The following PRKX variants were observed in gnomAD, a reference collection of about 807,000 sequenced individuals.
PRKX encodes the protein protein kinase cAMP-dependent X-linked catalytic subunit.
A neutral mutation model predicts 22.0 loss-of-function variants in PRKX; 12 were observed. That is an observed-to-expected ratio of 0.54 (90% CI 0.35 to 0.88). The LOEUF is 0.88. Among genes scored for constraint, PRKX ranks in the 40% least tolerant of loss-of-function variants. The probability of loss-of-function intolerance (pLI) is 0.01; values close to 1 mark genes in which losing one functional copy is unlikely to be tolerated. For synonymous variants in PRKX, 134 were observed against 137.7 expected (o/e 0.97, Z 0.19); for missense variants, 217 against 308.0 (o/e 0.70, Z 2.21).
chrX:3,673,977 G>A (rs1569057002), intron 2 of PRKX, among the ~76,000 whole-genome samples: 3 of 111,436 alleles, frequency 2.7e-5, no homozygotes, highest in African/African-American at 6.5e-5. Flanking sequence ...TGAATCCACC[G>A]TGTCTTGATC....
chrX:3,618,010 C>T (rs1032094707), intron 6 of PRKX, among the ~76,000 whole-genome samples: 2 of 100,801 alleles, frequency 2.0e-5, no homozygotes, highest in African/African-American at 7.4e-5. Context: ...GAGGGCATGG[C>T]GCCATCTTGG....
intron 1 of PRKX, among the ~76,000 whole-genome samples, chrX:3,688,757 T>C (rs1275614533): frequency 9.2e-6 from 1 of 108,987 alleles, no homozygotes; most frequent in Non-Finnish European, 1.9e-5. Flanking sequence ...TAGTCCCAGC[T>C]ACTCATGAGG....
rs1409746008 is a variant in PRKX, at chrX:3,604,544, G to A, written c.*4425C>T. On this transcript the variant is annotated 3_prime_UTR_variant, in exon 9 of 9. Coordinates refer to ENST00000262848, the MANE Select transcript of PRKX (RefSeq NM_005044.5). Reference sequence around the variant, plus strand: ...TCCCCTCCCCGACCCCCCATGAGAAGGGGTCACCCCGCGGGGTTCCCAGTT... The same window carrying A: ...TCCCCTCCCCGACCCCCCATGAGAAAGGGTCACCCCGCGGGGTTCCCAGTT... 8.9e-6 allele frequency: 1 copy of A among 112,295 alleles called. No individual in the cohort carries two copies. The highest frequency in any genetic ancestry group is 9.5e-5 in the Admixed American group (1 of 10,580). 9.3% of individuals were successfully genotyped at this position (112,295 alleles called of 1,213,427 possible).
chrX:3,615,844 A>G lies in PRKX; in HGVS notation c.922T>C (p.Trp308Arg), dbSNP rs1926408549. ...AGTTTTCTCTGCGGAACAGCTTCCC[A>G]GTCCACGGAGCGGAACCACCGATGA... is the stretch of plus-strand genomic sequence containing the variant. ...KHHRWFRSVD[W>R]EAVPQRKLKP... The change falls in exon 7 of 9, where the codon TGG (tryptophan) becomes CGG (arginine). Residue 308 changes from tryptophan (W) to arginine (R), a missense_variant. Transcript: ENST00000262848. 1 of 1,205,845 alleles carries G rather than the reference A, an allele frequency of 8.3e-7. No homozygotes were observed. The highest frequency in any genetic ancestry group is 1.7e-5 in the African/African-American group (1 of 57,193).
intron 2 of PRKX, among the ~76,000 whole-genome samples, chrX:3,661,048 C>T (rs1927584152): frequency 9.1e-6 from 1 of 110,196 alleles, no homozygotes; most frequent in African/African-American, 3.3e-5. Flanking sequence ...ATCAACAAAC[C>T]ACAAGGCTTA....
At chrX:3,655,044 T>C in intron 3 of PRKX, 105 bp downstream of exon 3, 1 of 1,078,151 alleles carries the variant, frequency 9.3e-7, no homozygotes, top group African/African-American at 1.8e-5. Context: ...CACATGAGAG[T>C]TAAACTCTGG....
Position 3,621,333 on chromosome X carries a change from G to C in PRKX, c.816-17C>G. The C allele has an allele frequency of 8.9e-7, 1 of 1,129,312 alleles. No homozygotes were observed. Among genetic ancestry groups the C allele is most frequent in the Admixed American group, 2.7e-5 (1 of 37,647 alleles). 93.1% of individuals were successfully genotyped at this position (1,129,312 alleles called of 1,213,427 possible). A position where few individuals can be genotyped will look rare whatever the true frequency, so the allele number is the denominator to read the frequency against. ...ATGAGGTCTCTATGTTGGGGAAGGA[G>C]ACAAAAAAAAAAAAAGTACACAGAT... On this transcript the variant is annotated splice_polypyrimidine_tract_variant and intron_variant, in intron 5 of 8. Coordinates refer to ENST00000262848, the MANE Select transcript of PRKX (RefSeq NM_005044.5).
intron 1 of PRKX, among the ~76,000 whole-genome samples, chrX:3,692,437 T>C (rs1475176555): frequency 9.0e-6 from 1 of 110,953 alleles, no homozygotes; most frequent in African/African-American, 3.3e-5. Flanking sequence ...ATAGGAATGT[T>C]CTCTATCTGC....
rs190617062 is a variant in PRKX at position 3,604,671 on chromosome X, T to C, written c.*4298A>G. 8.3e-3 allele frequency: 928 copies of C among 112,089 alleles called. 4 individuals are homozygous for C. The highest frequency in any genetic ancestry group is 0.027 in the African/African-American group (824 of 30,814). 9.2% of individuals were successfully genotyped at this position (112,089 alleles called of 1,213,427 possible). Reference sequence around the variant, plus strand: ...CCCCAGAAGCACGTTGGCAACATGGTGAGGCTGCCCAGTGTTCAGCGCAAA... The same window carrying C: ...CCCCAGAAGCACGTTGGCAACATGGCGAGGCTGCCCAGTGTTCAGCGCAAA... On this transcript the variant is annotated 3_prime_UTR_variant, in exon 9 of 9. Transcript: ENST00000262848.
chrX:3,664,593 G>A (rs1412041488), intron 2 of PRKX, among the ~76,000 whole-genome samples: 1 of 112,233 alleles, frequency 8.9e-6, no homozygotes, highest in African/African-American at 3.2e-5. Flanking sequence ...AGAAAATTTA[G>A]TATATAAAAG....
chrX:3,615,960 A>G, intron 6 of PRKX, 68 bp from the exon 7 acceptor site: 2 of 935,888 alleles, frequency 2.1e-6, no homozygotes, highest in Non-Finnish European at 3.0e-6. Flanking sequence ...AAAATACCCC[A>G]AAGAATCTCT....
rs745485596 is a variant in PRKX at position 3,605,012 on chromosome X, G to GACACACACACACACACACACACAC, written c.*3933_*3956dup. On this transcript the variant is annotated 3_prime_UTR_variant, in exon 9 of 9. Coordinates refer to ENST00000262848, the MANE Select transcript of PRKX (RefSeq NM_005044.5). ...AAATACAGCCCCTCACCTTCACCAA[G>GACACACACACACACACACACACAC]ACACACACACACACACACACACACA... 1 of 84,556 alleles carries GACACACACACACACACACACACAC rather than the reference G, an allele frequency of 1.2e-5. No homozygotes were observed. Among genetic ancestry groups the GACACACACACACACACACACACAC allele is most frequent in the African/African-American group, 4.4e-5 (1 of 22,509 alleles). 7.0% of individuals were successfully genotyped at this position (84,556 alleles called of 1,213,427 possible). A position where few individuals can be genotyped will look rare whatever the true frequency, so the allele number is the denominator to read the frequency against.
At chrX:3,701,584 G>A (rs761787555) in intron 1 of PRKX, among the ~76,000 whole-genome samples, 134 of 112,317 alleles carry the variant, frequency 1.2e-3, no homozygotes, top group African/African-American at 3.5e-3. Flanking sequence ...TTCTGTCAGC[G>A]GCATCTGAAC....
chrX:3,711,652 G>T (rs1387440962), intron 1 of PRKX, among the ~76,000 whole-genome samples: 1 of 111,576 alleles, frequency 9.0e-6, no homozygotes, highest in African/African-American at 3.3e-5. Context: ...GCCAGTCAGG[G>T]TTCCTGCCCC....
chrX:3,648,231 G>C (rs1927230018), intron 3 of PRKX, among the ~76,000 whole-genome samples: 1 of 111,288 alleles, frequency 9.0e-6, no homozygotes, highest in Non-Finnish European at 1.9e-5. Flanking sequence ...CAAATATCCA[G>C]CTCTGCTACG....
chrX:3,670,836 T>C (rs1927832794), intron 2 of PRKX, among the ~76,000 whole-genome samples: 1 of 111,230 alleles, frequency 9.0e-6, no homozygotes, highest in Admixed American at 9.6e-5. Context: ...TGAGTCAACA[T>C]GCCCAAGTGG....
chrX:3,652,373 A>G (rs1190307699), intron 3 of PRKX, among the ~76,000 whole-genome samples: 2 of 107,354 alleles, frequency 1.9e-5, no homozygotes, highest in Non-Finnish European at 3.9e-5. Context: ...AGCTGAGATC[A>G]TGCCACTATA....
At chrX:3,663,471 A>ACACAC (rs1927654010) in intron 2 of PRKX, among the ~76,000 whole-genome samples, 1 of 65,798 alleles carries the variant, frequency 1.5e-5, no homozygotes, top group Non-Finnish European at 2.9e-5. Context: ...CACACACAAA[A>ACACAC]AAATTCAATT....
At position 3,620,589 on chromosome X, in the gene PRKX, C is replaced by A. The variant is rs780173942; in HGVS notation, c.873+670G>T. 3.5e-4 allele frequency among the ~76,000 whole-genome samples: 39 copies of A among 112,507 alleles called. 1 individual carries two copies. In the South Asian group the frequency reaches 5.1e-3, roughly 15 times the overall value. On this transcript the variant is annotated intron_variant, in intron 6 of 8. Coordinates refer to ENST00000262848, the MANE Select transcript of PRKX (RefSeq NM_005044.5). ...GGCATTAGCACCTGAGCTCCGCCTC[C>A]TGTCAGATCAGCAGTGGCATTAGAT...
Sources: gnomAD v4.1 joint callset for allele counts (sites outside exome capture counted in the v4.1 genomes callset) on GRCh38, gnomAD v4.1.1 for gene constraint, MANE v1.5 for transcripts, NCBI Gene and HGNC (gene_info 2026-07-23, HGNC 2026-07-21) for gene names.